Variants in CSTPP1 observed in about 807,000 individuals in gnomAD.
CSTPP1 encodes the protein UPF0705 protein C11orf49.
the CSTPP1 span, among the ~76,000 whole-genome samples, chr11:47,146,455 G>A: frequency 6.6e-6 from 1 of 151,734 alleles, no homozygotes; most frequent in East Asian, 1.9e-4. Flanking sequence ...ATATAAACAG[G>A]CAATGCACAG....
chr11:47,111,841 T>C, the CSTPP1 span, among the ~76,000 whole-genome samples: 10 of 152,244 alleles, frequency 6.6e-5, no homozygotes, highest in Admixed American at 3.9e-4. Flanking sequence ...CAGATGTAGA[T>C]ACCATTTATT....
the CSTPP1 span, among the ~76,000 whole-genome samples, chr11:47,135,343 T>C: frequency 6.6e-6 from 1 of 152,152 alleles, no homozygotes; most frequent in Non-Finnish European, 1.5e-5. Context: ...GATGAGAAAC[T>C]GAGACTTAGA....
chr11:46,966,231 C>T, the CSTPP1 span, among the ~76,000 whole-genome samples: 74 of 152,108 alleles, frequency 4.9e-4, no homozygotes, highest in African/African-American at 1.7e-3. Flanking sequence ...TTAGTAGAGA[C>T]GGGGTTTCAC....
At chr11:47,153,820 C>A in the CSTPP1 span, among the ~76,000 whole-genome samples, 2 of 152,164 alleles carry the variant, frequency 1.3e-5, no homozygotes, top group African/African-American at 2.4e-5. Flanking sequence ...TCTGTGAAGC[C>A]CTTTCCCCAG....
the CSTPP1 span, among the ~76,000 whole-genome samples, chr11:47,039,015 A>G: frequency 8.4e-6 from 1 of 118,712 alleles, no homozygotes; most frequent in Non-Finnish European, 2.0e-5. Context: ...CTCACTTCCT[A>G]GATGGGATGG....
chr11:47,088,634 C>T, the CSTPP1 span, among the ~76,000 whole-genome samples: 1 of 152,162 alleles, frequency 6.6e-6, no homozygotes, highest in Admixed American at 6.5e-5. Context: ...GCAACCTCCA[C>T]CTCCTGGGTT....
At chr11:47,102,981 G>A in the CSTPP1 span, among the ~76,000 whole-genome samples, 2 of 99,348 alleles carry the variant, frequency 2.0e-5, no homozygotes, top group African/African-American at 8.3e-5. Context: ...TCTTCAAAGT[G>A]CCTCACAGAA....
chr11:46,944,453 G>T, the CSTPP1 span, among the ~76,000 whole-genome samples: 1 of 152,084 alleles, frequency 6.6e-6, no homozygotes, highest in Non-Finnish European at 1.5e-5. Flanking sequence ...TAAACATCTG[G>T]TGGCAACCAG....
At chr11:47,023,686 C>G in the CSTPP1 span, among the ~76,000 whole-genome samples, 3 of 152,164 alleles carry the variant, frequency 2.0e-5, no homozygotes, top group African/African-American at 7.2e-5. Flanking sequence ...CTAGGTACCT[C>G]AAGTAAGTGA....
the CSTPP1 span, among the ~76,000 whole-genome samples, chr11:47,144,482 G>A: frequency 1.3e-5 from 2 of 152,078 alleles, no homozygotes; most frequent in East Asian, 1.9e-4. Context: ...GAGCCACCAC[G>A]CCTGGCCAGT....
chr11:47,162,310 G>A, the CSTPP1 span: 2 of 959,172 alleles, frequency 2.1e-6, no homozygotes, highest in Non-Finnish European at 2.5e-6. Flanking sequence ...GGTTTTCGGT[G>A]CTTTTCTGGT....
At chr11:47,066,226 T>A in the CSTPP1 span, among the ~76,000 whole-genome samples, 2 of 151,642 alleles carry the variant, frequency 1.3e-5, no homozygotes, top group Non-Finnish European at 2.9e-5. Flanking sequence ...AGGGGAAAAG[T>A]TTTTCAGTAC....
At chr11:47,109,668 G>T in the CSTPP1 span, among the ~76,000 whole-genome samples, 9 of 152,202 alleles carry the variant, frequency 5.9e-5, no homozygotes, top group Non-Finnish European at 1.2e-4. Flanking sequence ...TCCTTTGCCA[G>T]TTAACCACAG....
chr11:47,128,245 G>A, the CSTPP1 span, among the ~76,000 whole-genome samples: 1 of 152,098 alleles, frequency 6.6e-6, no homozygotes, highest in East Asian at 1.9e-4. Context: ...GCCCTTTGTA[G>A]AGCTCTAGAG....
the CSTPP1 span, among the ~76,000 whole-genome samples, chr11:47,100,902 A>T: frequency 6.6e-6 from 1 of 152,146 alleles, no homozygotes; most frequent in African/African-American, 2.4e-5. Context: ...GATTTTCATA[A>T]GGAATGGATT....
the CSTPP1 span, among the ~76,000 whole-genome samples, chr11:47,028,374 AT>A: frequency 6.6e-6 from 1 of 152,192 alleles, no homozygotes. Context: ...ATTCAGGATC[AT>A]ATTGTTCACT....
chr11:47,156,941 A>T, the CSTPP1 span: 1 of 1,440,106 alleles, frequency 6.9e-7, no homozygotes, highest in Non-Finnish European at 9.5e-7. Flanking sequence ...GCTGACAGAG[A>T]AGGGAAGACA....
At chr11:47,150,200 C>T in the CSTPP1 span, among the ~76,000 whole-genome samples, 12 of 152,260 alleles carry the variant, frequency 7.9e-5, no homozygotes, top group East Asian at 2.3e-3. Context: ...ATTTGAATGA[C>T]AGCTCTTTTG....
At chr11:47,000,719 G>A in the CSTPP1 span, among the ~76,000 whole-genome samples, 2 of 152,150 alleles carry the variant, frequency 1.3e-5, no homozygotes, top group Non-Finnish European at 2.9e-5. Flanking sequence ...CAGTGAGCAA[G>A]ACAAATAAGG....
Sources: gnomAD v4.1 joint callset for allele counts (sites outside exome capture counted in the v4.1 genomes callset) on GRCh38, gnomAD v4.1.1 for gene constraint, MANE v1.5 for transcripts, NCBI Gene and HGNC (gene_info 2026-07-23, HGNC 2026-07-21) for gene names.